LYZL1: variants seen among roughly 807,000 people sequenced by gnomAD.
The protein encoded by LYZL1 is lysozyme-like protein 1.
A neutral mutation model predicts 17.9 loss-of-function variants in LYZL1; 16 were observed. That is an observed-to-expected ratio of 0.90 (90% CI 0.61 to 1.36). The LOEUF is 1.36. Ranked by LOEUF, LYZL1 falls within the 40% of genes most tolerant of loss-of-function variation. The pLI is 0.00. For missense variants in LYZL1, 149 were observed against 188.4 expected (o/e 0.79, Z 1.22); for synonymous variants, 58 against 71.8 (o/e 0.81, Z 0.97).
intron 3 of LYZL1, among the ~76,000 whole-genome samples, chr10:29,304,767 C>A (rs1187907118): frequency 6.6e-6 from 1 of 152,010 alleles, no homozygotes. Flanking sequence ...CCTCAGTGCT[C>A]AGGGCTGGGA....
At chr10:29,299,443 T>C (rs1166762350) in intron 3 of LYZL1, among the ~76,000 whole-genome samples, 3 of 152,240 alleles carry the variant, frequency 2.0e-5, no homozygotes, top group East Asian at 3.8e-4. Flanking sequence ...AGATGTTCTA[T>C]AAGTGACTGT....
chr10:29,310,830 T>C (rs542885054), intron 4 of LYZL1, among the ~76,000 whole-genome samples, 160 bp from the exon 5 acceptor site: 8 of 152,338 alleles, frequency 5.3e-5, no homozygotes, highest in Admixed American at 5.2e-4. Flanking sequence ...GACAAAAGTC[T>C]GAACTAGGCA....
chr10:29,311,805 C>G (rs1337587021), downstream of LYZL1, among the ~76,000 whole-genome samples: 1 of 151,874 alleles, frequency 6.6e-6, no homozygotes, highest in Non-Finnish European at 1.5e-5. Flanking sequence ...TGGAGAAACC[C>G]CGTCTCTACT....
intron 3 of LYZL1, among the ~76,000 whole-genome samples, chr10:29,300,975 C>T (rs1051817381): frequency 6.6e-6 from 1 of 152,112 alleles, no homozygotes; most frequent in Non-Finnish European, 1.5e-5. Context: ...GCACATGCCA[C>T]AATGCCTGGC....
intron 3 of LYZL1, among the ~76,000 whole-genome samples, chr10:29,309,467 T>C (rs1835641722): frequency 6.6e-6 from 1 of 152,158 alleles, no homozygotes; most frequent in African/African-American, 2.4e-5. Flanking sequence ...CTAACCCACA[T>C]AGAGAAAACA....
intron 3 of LYZL1, among the ~76,000 whole-genome samples, chr10:29,300,633 A>G (rs1835504799): frequency 6.6e-6 from 1 of 152,186 alleles, no homozygotes; most frequent in African/African-American, 2.4e-5. Context: ...GTCAATCGAT[A>G]TCACTTTCCT....
At chr10:29,308,570 G>A (rs1166802983) in intron 3 of LYZL1, among the ~76,000 whole-genome samples, 1 of 152,228 alleles carries the variant, frequency 6.6e-6, no homozygotes, top group Non-Finnish European at 1.5e-5. Flanking sequence ...TGTTTGTGTT[G>A]AGAAGGATTC....
intron 3 of LYZL1, among the ~76,000 whole-genome samples, chr10:29,305,334 T>C (rs1286627828): frequency 6.6e-6 from 1 of 152,182 alleles, no homozygotes; most frequent in Non-Finnish European, 1.5e-5. Context: ...TATTAACATA[T>C]AGTGTTTTAT....
At chr10:29,312,042 G>A (rs185179723), downstream of LYZL1, among the ~76,000 whole-genome samples, 644 of 152,314 alleles carry the variant, frequency 4.2e-3, 3 homozygotes, top group South Asian at 7.0e-3. Flanking sequence ...GCTCACGCTT[G>A]TAATCCCAAC....
chr10:29,307,379 C>G (rs1835610038), intron 3 of LYZL1, among the ~76,000 whole-genome samples: 2 of 152,172 alleles, frequency 1.3e-5, no homozygotes, highest in African/African-American at 4.8e-5. Flanking sequence ...CTTTCTGGGT[C>G]TTCCTTCCTT....
chr10:29,300,252 T>A (rs1331039572), intron 3 of LYZL1, among the ~76,000 whole-genome samples: 2 of 151,644 alleles, frequency 1.3e-5, no homozygotes, highest in Admixed American at 6.6e-5. Flanking sequence ...AAAAAAAAAA[T>A]TATTATTCTC....
Position 29,289,172 on chromosome 10 carries a change from T to C in LYZL1, c.-84T>C, listed in dbSNP as rs1273168090. 1.9e-6 allele frequency: 3 copies of C among 1,605,662 alleles called. No homozygotes were observed. Among genetic ancestry groups the C allele is most frequent in the Admixed American group, 1.7e-5 (1 of 59,592 alleles). On this transcript the variant is annotated 5_prime_UTR_variant, in exon 1 of 5. Coordinates refer to ENST00000649382, the MANE Select transcript of LYZL1 (RefSeq NM_032517.6). ...ACCGACTAAGTGGAGCAGTGTTTCT[T>C]CCGCAGACTCAACTGAGAAGTCAGC...
chr10:29,307,317 T>C (rs1253294898), intron 3 of LYZL1, among the ~76,000 whole-genome samples: 1 of 152,218 alleles, frequency 6.6e-6, no homozygotes, highest in East Asian at 1.9e-4. Context: ...TCTGCTTTTA[T>C]GAGTTCAACT....
At chr10:29,309,926 A>G (rs1564394010) in intron 3 of LYZL1, among the ~76,000 whole-genome samples, 184 bp from the exon 4 acceptor site, 1 of 152,248 alleles carries the variant, frequency 6.6e-6, no homozygotes, top group Non-Finnish European at 1.5e-5. Context: ...CGGTCTTAAA[A>G]CAACAACAAA....
downstream of LYZL1, among the ~76,000 whole-genome samples, chr10:29,311,870 C>G (rs58381071): frequency 3.2e-4 from 49 of 151,750 alleles, no homozygotes; most frequent in African/African-American, 1.1e-3. Flanking sequence ...GCCAGCTACT[C>G]GGGAGGCTGA....
At chr10:29,307,214 A>C (rs1032670109) in intron 3 of LYZL1, among the ~76,000 whole-genome samples, 1 of 152,182 alleles carries the variant, frequency 6.6e-6, no homozygotes, top group African/African-American at 2.4e-5. Flanking sequence ...CATATTGTAC[A>C]TTAGATCCCC....
chr10:29,312,006 A>T (rs1395723108), downstream of LYZL1, among the ~76,000 whole-genome samples: 1 of 152,010 alleles, frequency 6.6e-6, no homozygotes, highest in South Asian at 2.1e-4. Flanking sequence ...CGGAGTAAAA[A>T]ATAAGACCCC....
intron 3 of LYZL1, among the ~76,000 whole-genome samples, chr10:29,309,502 AT>A (rs200589364): frequency 2.6e-5 from 4 of 151,258 alleles, no homozygotes; most frequent in South Asian, 4.2e-4. Flanking sequence ...CTTATGTGCC[AT>A]TTTTTTTTCT....
At chr10:29,300,724 T>C (rs1835506307) in intron 3 of LYZL1, among the ~76,000 whole-genome samples, 1 of 152,224 alleles carries the variant, frequency 6.6e-6, no homozygotes, top group South Asian at 2.1e-4. Flanking sequence ...GCAAGCATTT[T>C]CTCTGCTTTT....
Sources: allele counts gnomAD v4.1 joint callset (sites outside exome capture counted in the v4.1 genomes callset), GRCh38; gene constraint gnomAD v4.1.1; transcripts MANE v1.5; gene names NCBI Gene and HGNC (gene_info 2026-07-23, HGNC 2026-07-21).